ZNF782: variants seen among roughly 807,000 people sequenced by gnomAD.
ZNF782 encodes the protein zinc finger protein 782.
In ZNF782, 12 loss-of-function variants were observed where a neutral mutation model predicts 13.0. That is an observed-to-expected ratio of 0.92 (90% confidence interval 0.59 to 1.50). The LOEUF (loss-of-function observed/expected upper bound fraction) is 1.50. Among genes scored for constraint, ZNF782 ranks in the 40% most tolerant of loss-of-function variants. ZNF782 has a pLI of 0.00. For missense variants in ZNF782, 770 were observed against 822.9 expected, an observed-to-expected ratio of 0.94 and a Z score of 0.79; for synonymous variants, 284 against 283.0, an observed-to-expected ratio of 1.00 and a Z score of -0.04.
chr9:96,862,022 A>C (rs1851706951), intron 1 of ZNF782, among the ~76,000 whole-genome samples: 1 of 152,242 alleles, frequency 6.6e-6, no homozygotes, highest in South Asian at 2.1e-4. Flanking sequence ...AGTGTCCATC[A>C]ACAGATGAGT....
At chr9:96,833,037 T>C (rs1388620153) in intron 4 of ZNF782, among the ~76,000 whole-genome samples, 1 of 152,174 alleles carries the variant, frequency 6.6e-6, no homozygotes, top group Admixed American at 6.5e-5. Context: ...TATTGTTCTG[T>C]CATAAAGTTC....
chr9:96,881,789 T>A, the ZNF782 span, among the ~76,000 whole-genome samples: 5 of 152,116 alleles, frequency 3.3e-5, no homozygotes, highest in African/African-American at 7.2e-5. Flanking sequence ...TGTCCATTCT[T>A]ATGCCAATAT....
intron 5 of ZNF782, among the ~76,000 whole-genome samples, chr9:96,820,375 G>C (rs1258746124): frequency 1.3e-5 from 2 of 151,974 alleles, no homozygotes; most frequent in Non-Finnish European, 2.9e-5. Flanking sequence ...TACTACTATA[G>C]ACAACATTTT....
chr9:96,885,248 A>AT, the ZNF782 span, among the ~76,000 whole-genome samples: 5,428 of 152,208 alleles, frequency 0.036, 159 homozygotes, highest in Non-Finnish European at 0.057. Flanking sequence ...AGCAATTGCG[A>AT]TTTTTTTGGA....
chr9:96,858,962 T>TG (rs1465874934), upstream of ZNF782, among the ~76,000 whole-genome samples: 1 of 151,814 alleles, frequency 6.6e-6, no homozygotes. This position sits in a 1 kb window ranked among gnomAD's most constrained non-coding sequence, Gnocchi z 4.4. Context: ...ACTCATCTGA[T>TG]GCCTCCACCC....
the ZNF782 span, among the ~76,000 whole-genome samples, chr9:96,880,649 A>C: frequency 6.6e-6 from 1 of 152,188 alleles, no homozygotes; most frequent in Non-Finnish European, 1.5e-5. Context: ...ACCTAGTTGT[A>C]GTGTATCTTT....
chr9:96,931,103 G>A, the ZNF782 span, among the ~76,000 whole-genome samples: 1 of 151,862 alleles, frequency 6.6e-6, no homozygotes, highest in Non-Finnish European at 1.5e-5. Flanking sequence ...GGCCAGACTG[G>A]TCTTCAACTC....
the ZNF782 span, among the ~76,000 whole-genome samples, chr9:96,910,688 G>A: frequency 6.6e-6 from 1 of 150,490 alleles, no homozygotes; most frequent in Non-Finnish European, 1.5e-5. Context: ...CCAGGCTGGA[G>A]TGCAGTGGTG....
At chr9:96,917,965 C>A in the ZNF782 span, among the ~76,000 whole-genome samples, 3 of 147,076 alleles carry the variant, frequency 2.0e-5, no homozygotes, top group Non-Finnish European at 4.4e-5. Context: ...TGGTCTTGAA[C>A]TCCTGGGCTG....
At chr9:96,933,333 T>A in the ZNF782 span, among the ~76,000 whole-genome samples, 2 of 151,004 alleles carry the variant, frequency 1.3e-5, no homozygotes, top group African/African-American at 2.4e-5. Flanking sequence ...TCAGAGAGGG[T>A]TCTTGGTGTG....
the ZNF782 span, chr9:96,891,685 A>G: frequency 6.6e-6 from 1 of 151,186 alleles, no homozygotes; most frequent in Admixed American, 6.6e-5. Context: ...CAGCCTCCCG[A>G]GTACCTGGGA....
At chr9:96,930,879 T>TG in the ZNF782 span, among the ~76,000 whole-genome samples, 1 of 61,486 alleles carries the variant, frequency 1.6e-5, no homozygotes, top group Admixed American at 1.5e-4. Flanking sequence ...GTGGTTTTTT[T>TG]TTTTTTTTTT....
chr9:96,886,747 A>G, the ZNF782 span, among the ~76,000 whole-genome samples: 4 of 151,806 alleles, frequency 2.6e-5, no homozygotes, highest in African/African-American at 9.7e-5. Flanking sequence ...ACATGGAGAA[A>G]CCTCATCTCT....
the ZNF782 span, among the ~76,000 whole-genome samples, chr9:96,905,927 T>C: frequency 6.6e-6 from 1 of 152,126 alleles, no homozygotes; most frequent in Non-Finnish European, 1.5e-5. Flanking sequence ...CTTTACTCTA[T>C]GGACTTGTGT....
Position 96,826,171 on chromosome 9 carries a change from T to C in ZNF782, c.244+909A>G, listed in dbSNP as rs567323249. On this transcript the variant is annotated intron_variant, in intron 5 of 5. Transcript: ENST00000481138. Reference sequence around the variant, plus strand: ...ACCCAAATGTCCAACAATGATAGACTGGATTAAGAAAATGTGGCACATATA... The same window carrying C: ...ACCCAAATGTCCAACAATGATAGACCGGATTAAGAAAATGTGGCACATATA... 1.9e-3 allele frequency among the ~76,000 whole-genome samples: 283 copies of C among 152,228 alleles called. 1 individual carries two copies. The highest frequency in any genetic ancestry group is 6.7e-3 in the African/African-American group (280 of 41,536).
the ZNF782 span, chr9:96,931,946 G>A: frequency 7.4e-6 from 12 of 1,611,806 alleles, no homozygotes; most frequent in African/African-American, 2.7e-5. Flanking sequence ...GGCTTCCAAC[G>A]TCTTTGTCCA....
At chr9:96,925,351 A>G in the ZNF782 span, among the ~76,000 whole-genome samples, 1 of 151,888 alleles carries the variant, frequency 6.6e-6, no homozygotes, top group Non-Finnish European at 1.5e-5. Context: ...GAAACGAGAG[A>G]GTCTGACCGG....
the ZNF782 span, among the ~76,000 whole-genome samples, chr9:96,912,367 A>T: frequency 6.7e-6 from 1 of 148,950 alleles, no homozygotes; most frequent in Admixed American, 6.7e-5. Context: ...TCTACTAAAA[A>T]TACAAAAAAT....
In ZNF782 at chr9:96,819,590, A is replaced by T; in HGVS notation, c.433T>A (p.Cys145Ser). 1 of 1,613,920 alleles carries T rather than the reference A, an allele frequency of 6.2e-7. No individual in the cohort carries two copies. The highest frequency in any genetic ancestry group is 2.2e-5 in the East Asian group (1 of 44,874). ...PCKCDIAGSA[C>S]QGLSLMAPHC... Reference sequence around the variant, plus strand: ...GGGGCCATCAGGCTGAGCCCCTGGCAAGCAGACCCCGCAATGTCACATTTA... The same window carrying T: ...GGGGCCATCAGGCTGAGCCCCTGGCTAGCAGACCCCGCAATGTCACATTTA... Residue 145 changes from cysteine (C) to serine (S), a missense_variant, in exon 6 of 6, where the codon TGC becomes AGC. Coordinates refer to ENST00000481138, the MANE Select transcript of ZNF782 (RefSeq NM_001001662.3).
Sources: allele counts gnomAD v4.1 joint callset (sites outside exome capture counted in the v4.1 genomes callset), GRCh38; gene constraint gnomAD v4.1.1; non-coding constraint Gnocchi (gnomAD v3.1); transcripts MANE v1.5; gene names NCBI Gene and HGNC (gene_info 2026-07-23, HGNC 2026-07-21).